PUS10: variants seen among roughly 807,000 people sequenced by gnomAD.
The protein encoded by PUS10 is pseudouridine synthase 10, also known as tRNA pseudouridine synthase Pus10.
Under a neutral mutation model 75.0 loss-of-function variants are expected in PUS10, and 59 were observed. The ratio of observed to expected loss-of-function variants is 0.79; its 90% CI spans 0.64 to 0.98. The LOEUF (loss-of-function observed/expected upper bound fraction) is 0.98, where lower values mean the gene tolerates loss of function less well. PUS10 is among the 50% of genes least tolerant of loss of function. PUS10 has a pLI of 0.00. For missense variants in PUS10, 650 were observed against 614.4 expected (o/e 1.06, Z -0.61); for synonymous variants, 219 against 211.6 (o/e 1.03, Z -0.30).
At chr2:60,987,801 T>G (rs1677815821) in intron 4 of PUS10, among the ~76,000 whole-genome samples, 1 of 151,950 alleles carries the variant, frequency 6.6e-6, no homozygotes, top group Non-Finnish European at 1.5e-5. Context: ...TAATCTCTGC[T>G]GCTCATAAGG....
chr2:61,012,760 G>A (rs1679685719), intron 1 of PUS10, among the ~76,000 whole-genome samples: 1 of 140,922 alleles, frequency 7.1e-6, no homozygotes, highest in South Asian at 2.3e-4. Context: ...CTTGAACCTG[G>A]GAGGTGGAGG....
At chr2:60,995,330 T>C (rs755342537) in intron 4 of PUS10, among the ~76,000 whole-genome samples, 2 of 152,178 alleles carry the variant, frequency 1.3e-5, no homozygotes, top group South Asian at 4.1e-4. Flanking sequence ...ATCTTGCTCC[T>C]CCTAAAAAAT....
At chr2:60,985,615 C>A (rs769511778) in intron 4 of PUS10, among the ~76,000 whole-genome samples, 1 of 152,064 alleles carries the variant, frequency 6.6e-6, no homozygotes, top group Non-Finnish European at 1.5e-5. Flanking sequence ...ATTCTAACAC[C>A]TCAGCCTCCC....
chr2:60,988,534 T>C (rs144993691), intron 4 of PUS10, among the ~76,000 whole-genome samples: 34 of 152,342 alleles, frequency 2.2e-4, no homozygotes, highest in African/African-American at 7.7e-4. Flanking sequence ...GTAACTATAA[T>C]ACAAATTAAA....
In PUS10 at chr2:61,011,838, G is replaced by A. The variant is rs147445494; in HGVS notation, c.53C>T (p.Thr18Ile). 31 of 1,610,426 alleles carry A rather than the reference G, an allele frequency of 1.9e-5. No individual in the cohort carries two copies. In the East Asian group the frequency reaches 6.3e-4, roughly 33 times the overall value. The change falls in exon 2 of 18, where the codon ACT (threonine) becomes ATT (isoleucine). Residue 18 changes from threonine (T) to isoleucine (I), a missense_variant. Physicochemically the swap from Thr to Ile is moderately conservative, Grantham distance 89. Coordinates refer to ENST00000316752, the MANE Select transcript of PUS10 (RefSeq NM_144709.4). ...GAAGATACATCTTGGACAAGTACCA[G>A]TATTGAGCAACAACTGGGCCACATG... ...NKHVAQLLLN[T>I]GTCPRCIFRF...
chr2:60,960,843 T>TAAAAAAAAAAAAAAAAAAA (rs34578958), intron 10 of PUS10, among the ~76,000 whole-genome samples: 1 of 120,664 alleles, frequency 8.3e-6, no homozygotes, highest in Admixed American at 8.3e-5. Flanking sequence ...ATACCAAGGA[T>TAAAAAAAAAAAAAAAAAAA]AAAAAAAAAA....
At chr2:60,972,944 C>T (rs886320449) in intron 4 of PUS10, among the ~76,000 whole-genome samples, 4 of 152,222 alleles carry the variant, frequency 2.6e-5, no homozygotes, top group African/African-American at 7.2e-5. Context: ...GTGGACCGTC[C>T]GGAGTAGCTG....
rs143682300 is a variant in PUS10 at position 60,990,155 on chromosome 2, C to T, written c.468+16402G>A. 5.9e-5 allele frequency among the ~76,000 whole-genome samples: 9 copies of T among 151,764 alleles called. No homozygotes were observed. In the East Asian group the frequency reaches 9.6e-4, roughly 16 times the overall value. On this transcript the variant is annotated intron_variant, in intron 4 of 17. Transcript: ENST00000316752. ...ACACCCATACACATACTCACACGCA[C>T]GCACGGGAAAAAAAACCTAGAAAAC...
chr2:61,006,152 CAA>C (rs1047196588), intron 4 of PUS10, among the ~76,000 whole-genome samples: 60 of 152,034 alleles, frequency 3.9e-4, no homozygotes, highest in African/African-American at 1.4e-3. Flanking sequence ...TATTTTACTC[CAA>C]AGGGAAGAAG....
chr2:60,975,757 CTT>C (rs891396757), intron 4 of PUS10, among the ~76,000 whole-genome samples: 8 of 146,134 alleles, frequency 5.5e-5, no homozygotes, highest in African/African-American at 2.0e-4. Context: ...CATTCTTTTT[CTT>C]TGTTTTTTTT....
intron 11 of PUS10, 28 bp downstream of exon 11, chr2:60,960,364 A>G (rs766114915): frequency 1.4e-6 from 2 of 1,479,640 alleles, no homozygotes; most frequent in Admixed American, 5.4e-5. Context: ...AAAAAAAGAA[A>G]GAAAAGTATG....
Position 60,940,796 on chromosome 2 carries a change from T to G in PUS10, c.*1599A>C, listed in dbSNP as rs1325600529. Reference sequence around the variant, plus strand: ...TGAGGAACATCCACACAGAAATTCTTACCTTTTTATCAAAAGTTTGTTATC... The same window carrying G: ...TGAGGAACATCCACACAGAAATTCTGACCTTTTTATCAAAAGTTTGTTATC... On this transcript the variant is annotated 3_prime_UTR_variant, in exon 18 of 18. Transcript: ENST00000316752. 1 of 152,350 alleles carries G rather than the reference T, an allele frequency of 6.6e-6. No homozygotes were observed. Among genetic ancestry groups the G allele is most frequent in the Non-Finnish European group, 1.5e-5 (1 of 68,018 alleles). The allele number at this position is 152,350 out of a possible 1,614,324, so 9.4% of individuals were successfully genotyped here.
At chr2:60,997,244 A>G (rs762612364) in intron 4 of PUS10, among the ~76,000 whole-genome samples, 3 of 152,220 alleles carry the variant, frequency 2.0e-5, no homozygotes. Context: ...ACCCACTCAT[A>G]AAAAGTCTAT....
intron 16 of PUS10, among the ~76,000 whole-genome samples, chr2:60,947,062 A>G (rs552544916): frequency 6.6e-6 from 1 of 152,244 alleles, no homozygotes; most frequent in Non-Finnish European, 1.5e-5. Context: ...TACAAAAATC[A>G]TACAAGTCAG....
Position 60,972,086 on chromosome 2 carries a change from C to T in PUS10, c.469-529G>A, listed in dbSNP as rs1245087386. Among the ~76,000 whole-genome samples, 17 of 148,064 alleles carry T rather than the reference C, an allele frequency of 1.1e-4. 1 individual carries two copies. On this transcript the variant is annotated intron_variant, in intron 4 of 17. Transcript: ENST00000316752. Reference sequence around the variant, plus strand: ...TTTTCACCATGTTGGCCAGGCTGGTCTCGAACTCCTGACATCAAGTGATCC... The same window carrying T: ...TTTTCACCATGTTGGCCAGGCTGGTTTCGAACTCCTGACATCAAGTGATCC...
intron 3 of PUS10, among the ~76,000 whole-genome samples, chr2:61,007,209 GC>G (rs1199731223): frequency 1.3e-5 from 2 of 148,528 alleles, no homozygotes; most frequent in Non-Finnish European, 2.9e-5. Context: ...AGAAGAGTAG[GC>G]TTTTGTTTTT....
intron 16 of PUS10, 88 bp downstream of exon 16, chr2:60,947,955 A>G: frequency 7.0e-7 from 1 of 1,429,596 alleles, no homozygotes; most frequent in Non-Finnish European, 9.8e-7. Flanking sequence ...TCCCTCCCAG[A>G]CCAAGCTGAC....
chr2:60,981,545 G>A (rs1677394360), intron 4 of PUS10, among the ~76,000 whole-genome samples: 1 of 152,216 alleles, frequency 6.6e-6, no homozygotes, highest in African/African-American at 2.4e-5. Flanking sequence ...GCCTCCCAAA[G>A]TGCTGGGATT....
intron 5 of PUS10, among the ~76,000 whole-genome samples, chr2:60,971,208 A>G (rs959098896): frequency 2.0e-5 from 3 of 151,632 alleles, no homozygotes; most frequent in African/African-American, 7.3e-5. Flanking sequence ...TAATAAATAA[A>G]ATTTATTTTT....
Sources: gnomAD v4.1 joint callset for allele counts (sites outside exome capture counted in the v4.1 genomes callset) on GRCh38, gnomAD v4.1.1 for gene constraint, MANE v1.5 for transcripts, NCBI Gene and HGNC (gene_info 2026-07-23, HGNC 2026-07-21) for gene names.